Variants in DGKB observed in about 807,000 individuals in gnomAD.
DGKB encodes 90 kDa diacylglycerol kinase.
A neutral mutation model predicts 114.3 loss-of-function variants in DGKB; 67 were observed. The ratio of observed to expected loss-of-function variants is 0.59; its 90% CI spans 0.48 to 0.72. DGKB has a LOEUF of 0.72. DGKB is among the 30% of genes least tolerant of loss of function. The pLI, the probability that DGKB is intolerant of heterozygous loss-of-function variation, is 0.00. For missense variants in DGKB, 907 were observed against 975.2 expected (o/e 0.93, Z 0.93); for synonymous variants, 398 against 323.1 (o/e 1.23, Z -2.49).
intron 1 of DGKB, among the ~76,000 whole-genome samples, chr7:14,916,857 A>G (rs1025471636): frequency 2.0e-5 from 3 of 152,046 alleles, no homozygotes; most frequent in Non-Finnish European, 2.9e-5. Flanking sequence ...TCACATTCCC[A>G]TGGGGCACTC....
intron 22 of DGKB, among the ~76,000 whole-genome samples, chr7:14,344,671 T>C (rs974420745): frequency 1.1e-4 from 17 of 151,282 alleles, no homozygotes; most frequent in African/African-American, 3.1e-4. Context: ...GTCATTTTCT[T>C]TTATAATATT....
intron 21 of DGKB, among the ~76,000 whole-genome samples, chr7:14,420,429 G>C (rs370984676): frequency 6.6e-6 from 1 of 151,966 alleles, no homozygotes; most frequent in Non-Finnish European, 1.5e-5. Flanking sequence ...ATCACATTTA[G>C]AGTAAGTTTT....
At chr7:14,713,428 T>A (rs1022629955) in intron 6 of DGKB, among the ~76,000 whole-genome samples, 1 of 121,720 alleles carries the variant, frequency 8.2e-6, no homozygotes, top group African/African-American at 2.5e-5. Context: ...AAAGCAGAGG[T>A]GAAAAAAATC....
Position 14,537,636 on chromosome 7 carries a change from C to T in DGKB, c.1770+36576G>A, listed in dbSNP as rs748070737. On this transcript the variant is annotated intron_variant, in intron 20 of 25. Coordinates refer to ENST00000402815, the MANE Select transcript of DGKB (RefSeq NM_001350709.2). ...CCCATAGACAAAAATTAACTCAAAA[C>T]GGATTAAAGACTTAAATGCACAATT... Among the ~76,000 whole-genome samples the T allele has an allele frequency of 7.9e-5, 12 of 152,152 alleles. No homozygotes were observed. In the South Asian group the frequency reaches 8.3e-4, roughly 11 times the overall value.
chr7:14,753,851 T>C, intron 4 of DGKB, 77 bp downstream of exon 4: 2 of 903,776 alleles, frequency 2.2e-6, no homozygotes, highest in Non-Finnish European at 3.6e-6. Flanking sequence ...AGTTCAGTGA[T>C]ATGGATGAGA....
rs113485612 is a variant in DGKB, at chr7:14,921,014, G to A, written c.-188+53682C>T. ...GATTTGTTACATAGGTAAATTGTGTGTTGTGAAGAGTTGGTGTACAGATTA... is the reference window on the plus strand; with the variant it reads ...GATTTGTTACATAGGTAAATTGTGTATTGTGAAGAGTTGGTGTACAGATTA... On this transcript the variant is annotated intron_variant, in intron 1 of 4. Transcript: ENST00000437998. Among the ~76,000 whole-genome samples, 1,097 of 152,202 alleles carry A rather than the reference G, an allele frequency of 7.2e-3. 16 individuals carry two copies. Among genetic ancestry groups the A allele is most frequent in the African/African-American group, 0.025 (1,045 of 41,522 alleles).
chr7:14,862,249 A>G (rs1346394020), intron 1 of DGKB, among the ~76,000 whole-genome samples: 1 of 152,048 alleles, frequency 6.6e-6, no homozygotes, highest in Non-Finnish European at 1.5e-5. Context: ...AATCAAATTA[A>G]TTAACACATT....
intron 2 of DGKB, among the ~76,000 whole-genome samples, chr7:14,799,599 T>C (rs1841870925): frequency 6.6e-6 from 1 of 152,178 alleles, no homozygotes; most frequent in South Asian, 2.1e-4. Context: ...AGTTGTTGCA[T>C]TTGGCTCTCC....
chr7:14,739,776 C>T (rs1368030391), intron 4 of DGKB, among the ~76,000 whole-genome samples: 4 of 152,196 alleles, frequency 2.6e-5, no homozygotes, highest in African/African-American at 9.7e-5. Context: ...GAATGTCGGC[C>T]TCAGTCCAAC....
intron 1 of DGKB, among the ~76,000 whole-genome samples, chr7:14,878,162 T>A (rs1853598044): frequency 6.6e-6 from 1 of 151,998 alleles, no homozygotes; most frequent in Non-Finnish European, 1.5e-5. Context: ...CACATATAAA[T>A]CTATAAACCA....
At chr7:14,693,780 TGAG>T (rs1479571878) in intron 9 of DGKB, among the ~76,000 whole-genome samples, 2 of 151,896 alleles carry the variant, frequency 1.3e-5, no homozygotes, top group African/African-American at 4.8e-5. Context: ...TTAGATAATA[TGAG>T]GAGGTCAGTA....
intron 17 of DGKB, among the ~76,000 whole-genome samples, chr7:14,597,080 T>C (rs1802708033): frequency 6.6e-6 from 1 of 152,088 alleles, no homozygotes; most frequent in African/African-American, 2.4e-5. Flanking sequence ...GAGACCATAA[T>C]TTAAAATATG....
At chr7:14,696,273 C>G (rs948059232) in intron 8 of DGKB, among the ~76,000 whole-genome samples, 1 of 151,160 alleles carries the variant, frequency 6.6e-6, no homozygotes, top group African/African-American at 2.4e-5. Context: ...GCGGGTGGAT[C>G]AGGAGGTCAG....
chr7:14,234,585 T>C (rs1474731645), intron 23 of DGKB, among the ~76,000 whole-genome samples: 1 of 152,260 alleles, frequency 6.6e-6, no homozygotes, highest in Admixed American at 6.5e-5. Context: ...ATGAATTGTT[T>C]ATGCAAACAT....
At chr7:14,642,107 T>C (rs892816411) in intron 13 of DGKB, among the ~76,000 whole-genome samples, 5 of 152,152 alleles carry the variant, frequency 3.3e-5, no homozygotes, top group African/African-American at 9.6e-5. Flanking sequence ...AGATTACTTA[T>C]TTTGTTGTCC....
intron 21 of DGKB, among the ~76,000 whole-genome samples, chr7:14,388,580 G>C (rs540982006): frequency 6.6e-6 from 1 of 151,578 alleles, no homozygotes; most frequent in East Asian, 1.9e-4. Flanking sequence ...TTCTGCAGTA[G>C]GTAACTATAC....
chr7:14,318,290 T>A (rs1265787182), intron 23 of DGKB, among the ~76,000 whole-genome samples: 1 of 145,936 alleles, frequency 6.9e-6, no homozygotes, highest in Non-Finnish European at 1.5e-5. Context: ...ACAAATGGGA[T>A]CTAATTAAAC....
intron 13 of DGKB, among the ~76,000 whole-genome samples, chr7:14,652,448 T>C (rs1440341780): frequency 3.3e-5 from 5 of 152,118 alleles, no homozygotes; most frequent in Non-Finnish European, 5.9e-5. Context: ...GCAAGCCATA[T>C]GTAGAAAGCT....
At chr7:14,825,592 C>G (rs945604493) in intron 2 of DGKB, among the ~76,000 whole-genome samples, 1 of 152,108 alleles carries the variant, frequency 6.6e-6, no homozygotes, top group East Asian at 1.9e-4. Context: ...GGTGGTAATG[C>G]AAGCGATGGC....
Sources: gnomAD v4.1 joint callset for allele counts (sites outside exome capture counted in the v4.1 genomes callset) on GRCh38, gnomAD v4.1.1 for gene constraint, MANE v1.5 for transcripts, NCBI Gene and HGNC (gene_info 2026-07-23, HGNC 2026-07-21) for gene names.